Variants in RBPJ observed in about 807,000 individuals in gnomAD.
RBPJ encodes recombination signal binding protein for immunoglobulin kappa J region.
In RBPJ, 9 loss-of-function variants were observed where a neutral mutation model predicts 67.8. That is an observed-to-expected ratio of 0.13 (90% CI 0.08 to 0.23). RBPJ has a LOEUF of 0.23. Among genes scored for constraint, RBPJ ranks in the 10% least tolerant of loss-of-function variants. The pLI, the probability that RBPJ is intolerant of heterozygous loss-of-function variation, is 1.00. For synonymous variants in RBPJ, 198 were observed against 203.3 expected (o/e 0.97, Z 0.22); for missense variants, 305 against 595.6 (o/e 0.51, Z 5.08).
At chr4:26,382,144 A>T (rs1291131892) in intron 1 of RBPJ, among the ~76,000 whole-genome samples, 2 of 152,212 alleles carry the variant, frequency 1.3e-5, no homozygotes, top group African/African-American at 4.8e-5. Context: ...TTTGATTCTC[A>T]ACAAGATTAT....
intron 1 of RBPJ, among the ~76,000 whole-genome samples, chr4:26,307,588 A>G (rs1189059489): frequency 1.3e-5 from 2 of 152,256 alleles, no homozygotes; most frequent in East Asian, 3.8e-4. Context: ...GCATTTCATA[A>G]GAACATTTCT....
chr4:26,378,357 T>C (rs1729972618), intron 1 of RBPJ, among the ~76,000 whole-genome samples: 1 of 151,248 alleles, frequency 6.6e-6, no homozygotes, highest in African/African-American at 2.5e-5. Flanking sequence ...AGGCCATAGA[T>C]TTAAAAAAAT....
At chr4:26,251,079 T>C (rs1227490197) in intron 1 of RBPJ, among the ~76,000 whole-genome samples, 1 of 152,224 alleles carries the variant, frequency 6.6e-6, no homozygotes, top group Non-Finnish European at 1.5e-5. Flanking sequence ...ATATCTAAAA[T>C]ATGATTGTAA....
At chr4:26,428,605 A>G (rs1735916481) in intron 7 of RBPJ, 115 bp from the exon 8 acceptor site, 1 of 734,242 alleles carries the variant, frequency 1.4e-6, no homozygotes, top group African/African-American at 1.8e-5. Context: ...CATAGGACAA[A>G]TAACTGTGAT....
intron 1 of RBPJ, among the ~76,000 whole-genome samples, chr4:26,284,718 A>G (rs1332999848): frequency 2.0e-5 from 3 of 152,010 alleles, no homozygotes; most frequent in Non-Finnish European, 4.4e-5. Context: ...CGTCCACCTC[A>G]GCCTCCCAAA....
In RBPJ at chr4:26,415,576, C is replaced by A; in HGVS notation, c.257C>A (p.Pro86Gln). The A allele has an allele frequency of 6.2e-7, 1 of 1,611,752 alleles. No homozygotes were observed. ...GGTTGTTCTGAACAAGAGTCTCAAC[C>A]GTGTGCATTTATTGGGATAGGAAAT... ...RDGCSEQESQ[P>Q]CAFIGIGNSD... Residue 86 changes from proline to glutamine, a missense_variant, in exon 4 of 11, where the codon CCG becomes CAG. Transcript: ENST00000355476.
At chr4:26,118,850 C>T in the RBPJ span, among the ~76,000 whole-genome samples, 1 of 152,208 alleles carries the variant, frequency 6.6e-6, no homozygotes, top group Admixed American at 6.5e-5. Context: ...ACTATTTGCA[C>T]TCTCCATCAC....
At chr4:26,151,320 C>G in the RBPJ span, among the ~76,000 whole-genome samples, 1 of 152,170 alleles carries the variant, frequency 6.6e-6, no homozygotes, top group Admixed American at 6.5e-5. Context: ...GCAAATTGAA[C>G]ACCCAAGTAA....
intron 1 of RBPJ, among the ~76,000 whole-genome samples, chr4:26,243,922 C>T (rs1016071107): frequency 6.6e-6 from 1 of 151,652 alleles, no homozygotes; most frequent in Non-Finnish European, 1.5e-5. Flanking sequence ...TGGTGAAATT[C>T]GTCTCTACAA....
intron 1 of RBPJ, among the ~76,000 whole-genome samples, chr4:26,211,247 T>C (rs867598320): frequency 2.4e-4 from 36 of 152,312 alleles, no homozygotes; most frequent in Middle Eastern, 3.4e-3. Flanking sequence ...GTAGCACTTT[T>C]CTGGGGACAA....
chr4:26,334,361 T>A (rs1724581346), intron 1 of RBPJ, among the ~76,000 whole-genome samples: 1 of 149,870 alleles, frequency 6.7e-6, no homozygotes, highest in Non-Finnish European at 1.5e-5. Context: ...TGCTTTGTAT[T>A]TTCTTTTTTT....
rs935684238 is a variant in RBPJ, at chr4:26,386,507, A to C, written c.59+116A>C. The C allele has an allele frequency of 7.6e-6, 5 of 655,162 alleles. No individual in the cohort carries two copies. The East Asian group carries it at 1.5e-4, about 20-fold the overall frequency. 40.6% of individuals were successfully genotyped at this position (655,162 alleles called of 1,614,324 possible). A position where few individuals can be genotyped will look rare whatever the true frequency, so the allele number is the denominator to read the frequency against. On this transcript the variant is annotated intron_variant, in intron 2 of 10. Transcript: ENST00000355476. ...AAGTCATTCAAATATTACTGTCTAG[A>C]GCATAAACTTATTCTCAAACTTCCT...
the RBPJ span, among the ~76,000 whole-genome samples, chr4:26,126,359 C>T: frequency 1.1e-4 from 17 of 152,192 alleles, no homozygotes; most frequent in Non-Finnish European, 1.5e-4. Context: ...CTCCCCTTTT[C>T]GGGGAATCCC....
intron 1 of RBPJ, among the ~76,000 whole-genome samples, chr4:26,332,808 G>A (rs1724396947): frequency 6.6e-6 from 1 of 152,094 alleles, no homozygotes; most frequent in African/African-American, 2.4e-5. Flanking sequence ...CACCAGTCTT[G>A]GCTAATTTTT....
intron 1 of RBPJ, among the ~76,000 whole-genome samples, chr4:26,294,565 G>A (rs545891175): frequency 1.3e-5 from 2 of 152,238 alleles, no homozygotes; most frequent in South Asian, 2.1e-4. Flanking sequence ...GGACTAGGGC[G>A]TAGAAGGAAG....
the RBPJ span, among the ~76,000 whole-genome samples, chr4:26,158,219 A>G: frequency 6.6e-6 from 1 of 152,086 alleles, no homozygotes; most frequent in Non-Finnish European, 1.5e-5. Context: ...TCACTTGATC[A>G]AGGGTGGAGA....
At chr4:26,391,017 T>C (rs3109844) in intron 2 of RBPJ, among the ~76,000 whole-genome samples, 106,802 of 152,132 alleles carry the variant, frequency 0.7, 37,794 homozygotes, top group East Asian at 0.84. Context: ...TGTTTGTGCC[T>C]CTGCACTCCA....
chr4:26,333,362 A>C, intron 1 of RBPJ, among the ~76,000 whole-genome samples: 1 of 152,240 alleles, frequency 6.6e-6, no homozygotes, highest in East Asian at 1.9e-4. Flanking sequence ...ATATCTACTC[A>C]GTCCTCAACT....
At chr4:26,139,296 T>C in the RBPJ span, among the ~76,000 whole-genome samples, 32 of 152,212 alleles carry the variant, frequency 2.1e-4, no homozygotes, top group African/African-American at 7.7e-4. Flanking sequence ...CTTAGTGTAG[T>C]GCCCAGCCCA....
Sources: allele counts gnomAD v4.1 joint callset (sites outside exome capture counted in the v4.1 genomes callset), GRCh38; gene constraint gnomAD v4.1.1; transcripts MANE v1.5; gene names NCBI Gene and HGNC (gene_info 2026-07-23, HGNC 2026-07-21).